MDGA2: variants seen among roughly 807,000 people sequenced by gnomAD.
MDGA2 encodes MAM domain containing glycosylphosphatidylinositol anchor 2, also known as MAM domain-containing glycosylphosphatidylinositol anchor protein 2.
A neutral mutation model predicts 117.8 loss-of-function variants in MDGA2; 40 were observed. The ratio of observed to expected loss-of-function variants is 0.34; its 90% CI spans 0.26 to 0.44. The LOEUF is 0.44. MDGA2 is among the 20% of genes least tolerant of loss of function. The probability of loss-of-function intolerance (pLI) is 1.00; values close to 1 mark genes in which losing one functional copy is unlikely to be tolerated. For synonymous variants in MDGA2, 452 were observed against 439.0 expected, an observed-to-expected ratio of 1.03 and a Z score of -0.37; for missense variants, 1,123 against 1,250.6, an observed-to-expected ratio of 0.90 and a Z score of 1.54.
intron 2 of MDGA2, among the ~76,000 whole-genome samples, chr14:47,280,842 A>C (rs1321776830): frequency 6.6e-6 from 1 of 151,386 alleles, no homozygotes; most frequent in African/African-American, 2.4e-5. Context: ...TCTTAAATTC[A>C]AGACATATCA....
At chr14:47,452,888 G>A (rs1267389163) in intron 1 of MDGA2, among the ~76,000 whole-genome samples, 2 of 152,098 alleles carry the variant, frequency 1.3e-5, no homozygotes, top group Admixed American at 6.6e-5. Flanking sequence ...GGAAGGTAGA[G>A]ACATAAGACT....
intron 1 of MDGA2, among the ~76,000 whole-genome samples, chr14:47,625,369 A>G (rs1359177313): frequency 2.0e-5 from 3 of 152,210 alleles, no homozygotes; most frequent in Non-Finnish European, 4.4e-5. Context: ...AAATATTTAT[A>G]TAACAATGTT....
chr14:47,042,273 A>G (rs1427045211), intron 7 of MDGA2, among the ~76,000 whole-genome samples: 1 of 151,702 alleles, frequency 6.6e-6, no homozygotes, highest in Non-Finnish European at 1.5e-5. Flanking sequence ...GTAAGTAGTA[A>G]ATTTGTAGAT....
chr14:47,215,962 C>T (rs1886071640), intron 3 of MDGA2, among the ~76,000 whole-genome samples: 1 of 152,088 alleles, frequency 6.6e-6, no homozygotes, highest in Non-Finnish European at 1.5e-5. Flanking sequence ...AAATAAATGT[C>T]TTCAGGCGTG....
At chr14:47,545,695 G>C (rs1024002304) in intron 1 of MDGA2, among the ~76,000 whole-genome samples, 1 of 151,426 alleles carries the variant, frequency 6.6e-6, no homozygotes, top group African/African-American at 2.4e-5. Flanking sequence ...ATGGTCAAAG[G>C]AAAAAAGAAG....
chr14:47,433,749 C>A (rs1376547106), intron 1 of MDGA2, among the ~76,000 whole-genome samples: 1 of 152,044 alleles, frequency 6.6e-6, no homozygotes, highest in Admixed American at 6.6e-5. Flanking sequence ...AAAATGAAAT[C>A]ATCTCTTTGT....
intron 1 of MDGA2, among the ~76,000 whole-genome samples, chr14:47,534,541 C>T (rs768137303): frequency 6.6e-6 from 1 of 152,112 alleles, no homozygotes; most frequent in Non-Finnish European, 1.5e-5. Flanking sequence ...GGAGAAACCG[C>T]CACTTACAAA....
intron 7 of MDGA2, among the ~76,000 whole-genome samples, chr14:47,048,373 C>T (rs1889338108): frequency 6.6e-6 from 1 of 152,034 alleles, no homozygotes; most frequent in Non-Finnish European, 1.5e-5. Flanking sequence ...AAGTAATTCA[C>T]AATTTATTTT....
At chr14:47,329,967 A>C (rs1890248482) in intron 1 of MDGA2, among the ~76,000 whole-genome samples, 1 of 152,024 alleles carries the variant, frequency 6.6e-6, no homozygotes, top group Non-Finnish European at 1.5e-5. Context: ...AAAGCAAATA[A>C]TTTCAATGAA....
intron 9 of MDGA2, among the ~76,000 whole-genome samples, chr14:46,921,463 G>A (rs913893388): frequency 2.7e-5 from 4 of 148,936 alleles, no homozygotes; most frequent in African/African-American, 1.0e-4. Flanking sequence ...AAAAAAAAGA[G>A]CCAGGTGTGG....
chr14:47,628,087 C>G (rs79263360), intron 1 of MDGA2, among the ~76,000 whole-genome samples: 35 of 152,048 alleles, frequency 2.3e-4, no homozygotes, highest in Admixed American at 2.2e-3. Flanking sequence ...AGAAAAGGAG[C>G]GAACCTGAAC....
At chr14:46,926,396 C>T (rs937637428) in intron 9 of MDGA2, among the ~76,000 whole-genome samples, 12 of 148,738 alleles carry the variant, frequency 8.1e-5, no homozygotes, top group Non-Finnish European at 1.3e-4. Context: ...CCAAGGTGAA[C>T]TTAAACGCCA....
intron 1 of MDGA2, among the ~76,000 whole-genome samples, chr14:47,552,893 C>T (rs147932035): frequency 2.0e-5 from 3 of 152,190 alleles, no homozygotes; most frequent in East Asian, 1.9e-4. Context: ...TTTGTACTTA[C>T]GTTCCTTCCC....
intron 6 of MDGA2, among the ~76,000 whole-genome samples, chr14:47,085,660 T>C (rs1008214735): frequency 1.3e-5 from 2 of 151,824 alleles, no homozygotes; most frequent in Non-Finnish European, 2.9e-5. Context: ...CAGCACATCC[T>C]GGACCCCCTT....
At chr14:47,220,828 G>C (rs948939088) in intron 2 of MDGA2, among the ~76,000 whole-genome samples, 3 of 152,154 alleles carry the variant, frequency 2.0e-5, no homozygotes, top group Non-Finnish European at 4.4e-5. Flanking sequence ...TGAAAAAGGT[G>C]AGGGAAAGGG....
At chr14:47,558,175 T>C (rs1428214693) in intron 1 of MDGA2, among the ~76,000 whole-genome samples, 1 of 152,162 alleles carries the variant, frequency 6.6e-6, no homozygotes, top group Non-Finnish European at 1.5e-5. Flanking sequence ...GAAGACTCTA[T>C]TCCCATCTAT....
At chr14:47,235,451 G>C (rs558551189) in intron 2 of MDGA2, among the ~76,000 whole-genome samples, 1 of 152,292 alleles carries the variant, frequency 6.6e-6, no homozygotes, top group Non-Finnish European at 1.5e-5. Flanking sequence ...AGTGTAGGCA[G>C]AGGGGATCTT....
chr14:47,099,401 A>T (rs1456720236), intron 5 of MDGA2, among the ~76,000 whole-genome samples: 1 of 151,970 alleles, frequency 6.6e-6, no homozygotes, highest in African/African-American at 2.4e-5. Context: ...ACATAAAAAT[A>T]TTTTTGTCCA....
chr14:47,198,085 T>C (rs1885354068), intron 3 of MDGA2, among the ~76,000 whole-genome samples: 1 of 152,210 alleles, frequency 6.6e-6, no homozygotes, highest in Non-Finnish European at 1.5e-5. Flanking sequence ...TTCATAGCCA[T>C]GTAATTATAT....
Sources: gnomAD v4.1 joint callset for allele counts (sites outside exome capture counted in the v4.1 genomes callset) on GRCh38, gnomAD v4.1.1 for gene constraint, MANE v1.5 for transcripts, NCBI Gene and HGNC (gene_info 2026-07-23, HGNC 2026-07-21) for gene names.